CEP20: variants seen among roughly 807,000 people sequenced by gnomAD.
CEP20 encodes FGFR1OP N-terminal like.
CEP20 carries 18 observed loss-of-function variants against 20.0 expected under a neutral mutation model. That is an observed-to-expected ratio of 0.90 (90% CI 0.62 to 1.34). The LOEUF is 1.34. Among genes scored for constraint, CEP20 ranks in the 40% most tolerant of loss-of-function variants. The probability of loss-of-function intolerance (pLI) is 0.00; values close to 1 mark genes in which losing one functional copy is unlikely to be tolerated. For synonymous variants in CEP20, 77 were observed against 73.7 expected, an observed-to-expected ratio of 1.04 and a Z score of -0.23; for missense variants, 215 against 201.6, an observed-to-expected ratio of 1.07 and a Z score of -0.40.
intron 3 of CEP20, among the ~76,000 whole-genome samples, chr16:15,879,380 G>A (rs1045672061): frequency 4.6e-5 from 7 of 152,104 alleles, no homozygotes; most frequent in African/African-American, 1.4e-4. Context: ...GGCATGGAGG[G>A]CTCACACCTG....
intron 1 of CEP20, among the ~76,000 whole-genome samples, chr16:15,886,568 A>G (rs1224317713): frequency 1.3e-5 from 2 of 152,216 alleles, no homozygotes; most frequent in Non-Finnish European, 2.9e-5. Flanking sequence ...AGAATTAGTG[A>G]CAGTGGAATG....
Position 15,878,061 on chromosome 16 carries a change from G to C in CEP20, c.311+1743C>G, listed in dbSNP as rs148212630. ...AGAGCGAGACCCTATCTCACAAAAA[G>C]GAAAAAAGAAAAAAAAAAGAAACAA... On this transcript the variant is annotated intron_variant, in intron 3 of 4. Transcript: ENST00000255759. Among the ~76,000 whole-genome samples, 1,019 of 148,468 alleles carry C rather than the reference G, an allele frequency of 6.9e-3. 6 individuals carry two copies. Among genetic ancestry groups the C allele is most frequent in the Middle Eastern group, 0.014 (4 of 290 alleles).
At chr16:15,876,161 C>T (rs2044941592) in intron 3 of CEP20, among the ~76,000 whole-genome samples, 2 of 148,070 alleles carry the variant, frequency 1.4e-5, no homozygotes, top group Admixed American at 1.4e-4. Context: ...GGTAGATGTA[C>T]CATATTACTT....
rs1273208997 is a variant in CEP20, at chr16:15,866,009, A to G, written c.*1431T>C. 3.3e-5 allele frequency: 5 copies of G among 152,206 alleles called. No individual in the cohort carries two copies. Among genetic ancestry groups the G allele is most frequent in the Non-Finnish European group, 7.3e-5 (5 of 68,030 alleles). 9.4% of individuals were successfully genotyped at this position (152,206 alleles called of 1,614,324 possible). A position where few individuals can be genotyped will look rare whatever the true frequency, so the allele number is the denominator to read the frequency against. On this transcript the variant is annotated 3_prime_UTR_variant, in exon 5 of 5. Transcript: ENST00000255759. ...AGAATTCAGATATTTATATTCACAC[A>G]TACAATACAACGGAATTCATCAATG...
At chr16:15,885,088 G>A (rs556411638) in intron 1 of CEP20, 18 of 151,986 alleles carry the variant, frequency 1.2e-4, no homozygotes, top group Non-Finnish European at 1.8e-4. Flanking sequence ...GGCGGATCAC[G>A]AGATCAGCAA....
intron 1 of CEP20, among the ~76,000 whole-genome samples, chr16:15,886,706 T>C (rs1286648538): frequency 2.0e-5 from 3 of 152,124 alleles, no homozygotes; most frequent in Admixed American, 1.3e-4. Context: ...AACGTGATCG[T>C]GCTTAAAAAA....
At chr16:15,880,923 T>A (rs1242117714) in intron 2 of CEP20, among the ~76,000 whole-genome samples, 1 of 151,752 alleles carries the variant, frequency 6.6e-6, no homozygotes, top group Non-Finnish European at 1.5e-5. Flanking sequence ...CACCCCCAGA[T>A]GGGACCATCT....
At chr16:15,888,309 G>T (rs929620251) in intron 1 of CEP20, among the ~76,000 whole-genome samples, 2 of 152,112 alleles carry the variant, frequency 1.3e-5, no homozygotes, top group Non-Finnish European at 2.9e-5. Context: ...TTAGATGCCT[G>T]AAGATTACGC....
In CEP20 at chr16:15,867,469, G is replaced by C. The variant is rs372110539; in HGVS notation, c.496C>G (p.Leu166Val). The change falls in exon 5 of 5, where the codon CTT becomes GTT. Residue 166 changes from leucine to valine, a missense_variant. Leu to Val is a conservative substitution (Grantham distance 32). Coordinates refer to ENST00000255759, the MANE Select transcript of CEP20 (RefSeq NM_144600.4). The part of the protein sequence containing the change: ...EEQKSTNIED[L>V]HVSQAVNR The stretch of plus-strand genomic sequence containing the variant: ...CTGTTGACTGCCTGAGAAACATGAA[G>C]ATCTTCAATGTTAGTACTTTTCTGT... The C allele has an allele frequency of 1.2e-6, 2 of 1,601,882 alleles. No homozygotes were observed. The highest frequency in any genetic ancestry group is 1.3e-5 in the African/African-American group (1 of 74,730).
Position 15,879,907 on chromosome 16 carries a change from T to C in CEP20, c.227-19A>G, listed in dbSNP as rs1293514902. ...CCAGATTCTGGGAGAAATAAATTCA[T>C]GAGAACACTCAGTCTATTAAACTAA... On this transcript the variant is annotated intron_variant, in intron 2 of 4. Coordinates refer to ENST00000255759, the MANE Select transcript of CEP20 (RefSeq NM_144600.4). 1 of 1,509,214 alleles carries C rather than the reference T, an allele frequency of 6.6e-7. No homozygotes were observed. Among genetic ancestry groups the C allele is most frequent in the South Asian group, 1.2e-5 (1 of 83,872 alleles). 93.5% of individuals were successfully genotyped at this position (1,509,214 alleles called of 1,614,324 possible). A position where few individuals can be genotyped will look rare whatever the true frequency, so the allele number is the denominator to read the frequency against.
intron 2 of CEP20, among the ~76,000 whole-genome samples, chr16:15,881,222 TTGTA>T (rs2045089898): frequency 6.6e-6 from 1 of 152,186 alleles, no homozygotes; most frequent in Non-Finnish European, 1.5e-5. Context: ...GTAAATTTTA[TTGTA>T]TGTAAATTAT....
At chr16:15,883,986 G>A in intron 2 of CEP20, 22 bp downstream of exon 2, 1 of 1,576,442 alleles carries the variant, frequency 6.3e-7, no homozygotes, top group South Asian at 1.1e-5. Flanking sequence ...CAGATTTTAT[G>A]TGATAAATAA....
chr16:15,869,887 A>T (rs2044772024), intron 4 of CEP20, among the ~76,000 whole-genome samples: 1 of 152,196 alleles, frequency 6.6e-6, no homozygotes, highest in African/African-American at 2.4e-5. Context: ...TTTGATGACC[A>T]AGAAAATAAT....
chr16:15,884,363 C>T (rs1365650698), intron 1 of CEP20, among the ~76,000 whole-genome samples, 158 bp from the exon 2 acceptor site: 2 of 152,158 alleles, frequency 1.3e-5, no homozygotes, highest in African/African-American at 2.4e-5. Context: ...AATTACACTA[C>T]CACCAGCCAT....
In CEP20 at chr16:15,866,555, T is replaced by C. The variant is rs2044684890; in HGVS notation, c.*885A>G. ...ATTTTTCTATCCCAAGAATAAAAATTGATGTTTGGTAAGAGTTTCGGAGCC... is the reference window on the plus strand; with the variant it reads ...ATTTTTCTATCCCAAGAATAAAAATCGATGTTTGGTAAGAGTTTCGGAGCC... On this transcript the variant is annotated 3_prime_UTR_variant, in exon 5 of 5. Coordinates refer to ENST00000255759, the MANE Select transcript of CEP20 (RefSeq NM_144600.4). 1 of 152,204 alleles carries C rather than the reference T, an allele frequency of 6.6e-6. No individual in the cohort carries two copies. The highest frequency in any genetic ancestry group is 2.1e-4 in the South Asian group (1 of 4,836). The allele number at this position is 152,204 out of a possible 1,614,324, so 9.4% of individuals were successfully genotyped here. A position where few individuals can be genotyped will look rare whatever the true frequency, so the allele number is the denominator to read the frequency against.
At chr16:15,872,945 T>C (rs2044855599) in intron 4 of CEP20, among the ~76,000 whole-genome samples, 1 of 152,026 alleles carries the variant, frequency 6.6e-6, no homozygotes, top group South Asian at 2.1e-4. Context: ...TTAGCAATCT[T>C]ACCTTTTATT....
intron 3 of CEP20, among the ~76,000 whole-genome samples, chr16:15,874,842 C>T (rs1361652944): frequency 6.6e-6 from 1 of 152,168 alleles, no homozygotes; most frequent in African/African-American, 2.4e-5. Context: ...AATGGCCCTG[C>T]AGCTTCCTCC....
At chr16:15,883,147 AG>A (rs2045151538) in intron 2 of CEP20, 1 of 152,176 alleles carries the variant, frequency 6.6e-6, no homozygotes, top group Non-Finnish European at 1.5e-5. Flanking sequence ...GGATCACCTG[AG>A]CCCAGGAGTT....
At chr16:15,867,770 A>T (rs1023904930) in intron 4 of CEP20, among the ~76,000 whole-genome samples, 1 of 152,090 alleles carries the variant, frequency 6.6e-6, no homozygotes, top group African/African-American at 2.4e-5. Context: ...GTCAAGAGTT[A>T]TAGACTAGTC....
Sources: allele counts gnomAD v4.1 joint callset (sites outside exome capture counted in the v4.1 genomes callset), GRCh38; gene constraint gnomAD v4.1.1; transcripts MANE v1.5; gene names NCBI Gene and HGNC (gene_info 2026-07-23, HGNC 2026-07-21).